The following POLQ variants were observed in gnomAD, a reference collection of about 807,000 sequenced individuals.
The protein encoded by POLQ is DNA polymerase theta.
POLQ carries 233 observed loss-of-function variants against 259.2 expected under a neutral mutation model. That is an observed-to-expected ratio of 0.90 (90% confidence interval 0.81 to 1.00). The LOEUF (loss-of-function observed/expected upper bound fraction) is 1.00. POLQ is among the 50% of genes least tolerant of loss of function. POLQ has a pLI of 0.00. For synonymous variants in POLQ, 1,025 were observed against 1,048.8 expected (o/e 0.98, Z 0.44); for missense variants, 2,871 against 3,051.6 (o/e 0.94, Z 1.39).
At chr3:121,512,115 CTT>C in intron 9 of POLQ, 86 bp from the exon 10 acceptor site, 1 of 1,178,070 alleles carries the variant, frequency 8.5e-7, no homozygotes, top group South Asian at 1.5e-5. Context: ...CCTTACTTTG[CTT>C]AAAAGCAGAC....
At chr3:121,476,063 T>C (rs2047922926) in intron 20 of POLQ, among the ~76,000 whole-genome samples, 1 of 152,202 alleles carries the variant, frequency 6.6e-6, no homozygotes, top group African/African-American at 2.4e-5. Flanking sequence ...TTCTCATTTA[T>C]AAGTGGAAGC....
intron 9 of POLQ, among the ~76,000 whole-genome samples, chr3:121,518,759 G>GTT (rs34676502): frequency 0.61 from 90,815 of 149,982 alleles, 27,981 homozygotes; most frequent in East Asian, 0.89. Context: ...TGCCTGTTTT[G>GTT]TTTTTTTTTG....
chr3:121,444,671 C>T (rs1041449680), intron 26 of POLQ, among the ~76,000 whole-genome samples: 5 of 152,108 alleles, frequency 3.3e-5, no homozygotes, highest in Admixed American at 1.3e-4. Context: ...GCATCCTTGT[C>T]GTGTTCCAGG....
intron 26 of POLQ, among the ~76,000 whole-genome samples, chr3:121,445,415 A>C (rs1203944624): frequency 6.6e-6 from 1 of 152,198 alleles, no homozygotes; most frequent in African/African-American, 2.4e-5. Context: ...AATTACTGGC[A>C]TATAGCTGCT....
intron 25 of POLQ, among the ~76,000 whole-genome samples, chr3:121,450,579 C>T (rs1174902806): frequency 6.9e-6 from 1 of 143,994 alleles, no homozygotes; most frequent in African/African-American, 2.6e-5. Context: ...TCCAAGTGTT[C>T]TCATTATTCT....
intron 25 of POLQ, among the ~76,000 whole-genome samples, chr3:121,449,631 C>G (rs918291436): frequency 6.6e-6 from 1 of 152,064 alleles, no homozygotes; most frequent in Admixed American, 6.6e-5. Context: ...GAGAGAGAGA[C>G]AGAAGGGCAG....
At position 121,534,240 on chromosome 3, in the gene POLQ, T is replaced by C. The variant is rs117038441; in HGVS notation, c.741-1031A>G. ...AGTGGGTTGTGTTTTTCTTATTCAT[T>C]TGTAGAATTTTTAAATGTCTGGATA... On this transcript the variant is annotated intron_variant, in intron 5 of 29. Transcript: ENST00000264233. Among the ~76,000 whole-genome samples, 306 of 152,196 alleles carry C rather than the reference T, an allele frequency of 2.0e-3. 5 individuals carry two copies. In the East Asian group the frequency reaches 0.054, roughly 27 times the overall value.
intron 17 of POLQ, among the ~76,000 whole-genome samples, 154 bp from the exon 18 acceptor site, chr3:121,483,736 T>C (rs1165758011): frequency 6.6e-6 from 1 of 152,078 alleles, no homozygotes; most frequent in Non-Finnish European, 1.5e-5. Flanking sequence ...CTTATCCAGG[T>C]CATATCAGCT....
chr3:121,482,506 G>A (rs1272223894), intron 18 of POLQ, among the ~76,000 whole-genome samples: 3 of 130,038 alleles, frequency 2.3e-5, no homozygotes, highest in African/African-American at 8.4e-5. Flanking sequence ...GGCAACAAGA[G>A]CAAAACTTCG....
chr3:121,452,292 T>C (rs895682448), intron 25 of POLQ, among the ~76,000 whole-genome samples: 2 of 151,914 alleles, frequency 1.3e-5, no homozygotes, highest in Non-Finnish European at 2.9e-5. Flanking sequence ...GCACCCACTG[T>C]CCAACAAGCC....
Position 121,489,157 on chromosome 3 carries a change from A to G in POLQ, c.3774T>C (p.Asp1258=). Residue 1258 remains aspartate (D), a synonymous_variant, in exon 16 of 30, where the codon GAT becomes GAC. Transcript: ENST00000264233. ...KPSHFQALGD[D]ISRTVIPSEV... ...CACTGGGTATCACAGTTCTGCTTAT[A>G]TCATCTCCTAATGCCTGAAAATGAC... The G allele has an allele frequency of 6.2e-7, 1 of 1,613,648 alleles. No individual in the cohort carries two copies. Among genetic ancestry groups the G allele is most frequent in the East Asian group, 2.2e-5 (1 of 44,870 alleles).
At chr3:121,476,272 T>C (rs1049512990) in intron 20 of POLQ, among the ~76,000 whole-genome samples, 2 of 152,094 alleles carry the variant, frequency 1.3e-5, no homozygotes, top group Non-Finnish European at 2.9e-5. Context: ...ACTTAGTGAG[T>C]CCCTCCTCCG....
At chr3:121,523,856 CTT>C (rs1329853390) in intron 7 of POLQ, among the ~76,000 whole-genome samples, 2 of 152,002 alleles carry the variant, frequency 1.3e-5, no homozygotes, top group African/African-American at 2.4e-5. Flanking sequence ...TTTAGGTAAA[CTT>C]TTTAAAAAAT....
At chr3:121,458,107 T>C (rs974892230) in intron 25 of POLQ, among the ~76,000 whole-genome samples, 2 of 151,958 alleles carry the variant, frequency 1.3e-5, no homozygotes, top group Admixed American at 6.6e-5. Flanking sequence ...AAATTGGAAA[T>C]CATCATTCTC....
chr3:121,545,218 T>G (rs965315117), intron 1 of POLQ, among the ~76,000 whole-genome samples: 11 of 151,964 alleles, frequency 7.2e-5, no homozygotes, highest in Non-Finnish European at 1.5e-4. Context: ...CAAAGCTAAG[T>G]TAGGTGAGTT....
chr3:121,454,782 G>A (rs971933572), intron 25 of POLQ, among the ~76,000 whole-genome samples: 2 of 152,078 alleles, frequency 1.3e-5, no homozygotes, highest in East Asian at 1.9e-4. Context: ...CAATAATAAT[G>A]GGAGACTTTA....
intron 25 of POLQ, among the ~76,000 whole-genome samples, chr3:121,457,818 T>C (rs1290758714): frequency 1.3e-5 from 2 of 152,212 alleles, no homozygotes; most frequent in East Asian, 3.9e-4. Context: ...ATTGTGGAAG[T>C]CAGTGTGGCG....
chr3:121,486,650 G>A (rs1393303347), intron 16 of POLQ, among the ~76,000 whole-genome samples: 1 of 152,142 alleles, frequency 6.6e-6, no homozygotes, highest in East Asian at 1.9e-4. Flanking sequence ...GATCACTTGA[G>A]GTCCGGAGTT....
At chr3:121,481,462 A>G in intron 19 of POLQ, 110 bp downstream of exon 19, 1 of 1,047,908 alleles carries the variant, frequency 9.5e-7, no homozygotes, top group Non-Finnish European at 1.4e-6. Context: ...GCACTAGACA[A>G]TCCAAAGGTA....
Sources: allele counts gnomAD v4.1 joint callset (sites outside exome capture counted in the v4.1 genomes callset), GRCh38; gene constraint gnomAD v4.1.1; transcripts MANE v1.5; gene names NCBI Gene and HGNC (gene_info 2026-07-23, HGNC 2026-07-21).